Variants in SPOCK3 observed in about 807,000 individuals in gnomAD.
The protein encoded by SPOCK3 is SPARC (osteonectin), cwcv and kazal like domains proteoglycan 3, also known as testican-3.
In SPOCK3, 30 loss-of-function variants were observed where a neutral mutation model predicts 56.6. The ratio of observed to expected loss-of-function variants is 0.53; its 90% CI spans 0.40 to 0.72. The LOEUF (loss-of-function observed/expected upper bound fraction) is 0.72, where lower values mean the gene tolerates loss of function less well. SPOCK3 is among the 30% of genes least tolerant of loss of function. The probability of loss-of-function intolerance (pLI) is 0.00; values close to 1 mark genes in which losing one functional copy is unlikely to be tolerated. For synonymous variants in SPOCK3, 196 were observed against 183.3 expected, an observed-to-expected ratio of 1.07 and a Z score of -0.56; for missense variants, 527 against 530.0, an observed-to-expected ratio of 0.99 and a Z score of 0.06.
chr4:166,939,359 A>C (rs1217022339), intron 4 of SPOCK3, among the ~76,000 whole-genome samples: 7 of 152,116 alleles, frequency 4.6e-5, no homozygotes, highest in Non-Finnish European at 8.8e-5. Flanking sequence ...TAAGCTATAC[A>C]AGATGATGGG....
In SPOCK3 at chr4:167,190,944, G is replaced by C. The variant is rs545802025; in HGVS notation, c.189+43041C>G. On this transcript the variant is annotated intron_variant, in intron 2 of 10. Transcript: ENST00000357545. Reference sequence around the variant, plus strand: ...TAGTCTACCATTAAGTGCATTAATTGACTTCTGATCTCTTTATTCTGCTCT... The same window carrying C: ...TAGTCTACCATTAAGTGCATTAATTCACTTCTGATCTCTTTATTCTGCTCT... 3.9e-4 allele frequency among the ~76,000 whole-genome samples: 56 copies of C among 145,234 alleles called. 12 individuals are homozygous for C. Among genetic ancestry groups the C allele is most frequent in the African/African-American group, 1.4e-3 (54 of 38,128 alleles).
At chr4:166,843,178 C>T (rs925954399) in intron 6 of SPOCK3, among the ~76,000 whole-genome samples, 3 of 152,088 alleles carry the variant, frequency 2.0e-5, no homozygotes, top group African/African-American at 7.2e-5. Context: ...TCCCTCCACA[C>T]CCCCCCGCAA....
intron 6 of SPOCK3, among the ~76,000 whole-genome samples, chr4:166,873,611 A>T (rs187474204): frequency 6.6e-6 from 1 of 152,180 alleles, no homozygotes; most frequent in Non-Finnish European, 1.5e-5. Context: ...TTTCATTTCA[A>T]ATACTTATAG....
chr4:166,876,377 A>G (rs1372870170), intron 6 of SPOCK3, among the ~76,000 whole-genome samples: 2 of 152,222 alleles, frequency 1.3e-5, no homozygotes, highest in African/African-American at 4.8e-5. Context: ...TTGATGAAAA[A>G]GAAAGCTATT....
intron 7 of SPOCK3, among the ~76,000 whole-genome samples, chr4:166,770,627 G>A (rs1490824019): frequency 2.1e-4 from 32 of 152,024 alleles, no homozygotes; most frequent in Non-Finnish European, 5.9e-5. Flanking sequence ...GAAAATAACA[G>A]CAATAAAATA....
chr4:167,056,022 A>AC (rs1754796852), intron 3 of SPOCK3, among the ~76,000 whole-genome samples: 1 of 152,038 alleles, frequency 6.6e-6, no homozygotes, highest in Non-Finnish European at 1.5e-5. Flanking sequence ...CTGACAGCAG[A>AC]CCCCCAAGCA....
intron 2 of SPOCK3, among the ~76,000 whole-genome samples, chr4:167,078,774 G>A (rs1757445051): frequency 6.6e-6 from 1 of 151,524 alleles, no homozygotes; most frequent in African/African-American, 2.4e-5. Flanking sequence ...AGTGCAAGTA[G>A]CAATCTGCTA....
chr4:166,734,981 A>G lies in SPOCK3; in HGVS notation c.1242T>C (p.Asp414=), dbSNP rs772123039. The change falls in exon 11 of 11, where the codon GAT becomes GAC. Residue 414 remains aspartate (D), a synonymous_variant. Transcript: ENST00000357545. Reference sequence around the variant, plus strand: ...CATCATCCCCTTCATCTTCATCATCATCTTCAATTTCATCTTCATCATTCA... The same window carrying G: ...CATCATCCCCTTCATCTTCATCATCGTCTTCAATTTCATCTTCATCATTCA... The part of the protein sequence containing the change: ...DIMNDEDEIE[D]DDEDEGDDDD... 3.1e-5 allele frequency: 48 copies of G among 1,528,902 alleles called. 1 individual carries two copies. Among genetic ancestry groups the G allele is most frequent in the South Asian group, 3.4e-5 (3 of 88,866 alleles). 94.7% of individuals were successfully genotyped at this position (1,528,902 alleles called of 1,614,324 possible).
At chr4:166,920,791 T>C (rs924343663) in intron 4 of SPOCK3, among the ~76,000 whole-genome samples, 6 of 152,188 alleles carry the variant, frequency 3.9e-5, no homozygotes, top group Non-Finnish European at 1.5e-5. Flanking sequence ...TATATATAAA[T>C]GTCTTGATTG....
chr4:167,075,871 C>T (rs1757135267), intron 2 of SPOCK3, among the ~76,000 whole-genome samples: 1 of 151,880 alleles, frequency 6.6e-6, no homozygotes, highest in Admixed American at 6.6e-5. Context: ...TTACATTAAT[C>T]TACGCCCATC....
intron 3 of SPOCK3, among the ~76,000 whole-genome samples, chr4:167,008,158 T>A (rs1253076765): frequency 6.6e-6 from 1 of 151,956 alleles, no homozygotes; most frequent in Non-Finnish European, 1.5e-5. Context: ...AATAGCAAGT[T>A]TTACATCTAA....
intron 2 of SPOCK3, among the ~76,000 whole-genome samples, chr4:167,172,254 C>T (rs542253702): frequency 6.6e-6 from 1 of 152,254 alleles, no homozygotes; most frequent in African/African-American, 2.4e-5. Flanking sequence ...AGTTCATAAT[C>T]AAAATTTCTT....
chr4:166,904,076 A>C (rs1437044577), intron 5 of SPOCK3, among the ~76,000 whole-genome samples: 3 of 151,822 alleles, frequency 2.0e-5, no homozygotes, highest in Non-Finnish European at 4.4e-5. Flanking sequence ...TTAATTACAT[A>C]TTATGCAAAA....
intron 3 of SPOCK3, among the ~76,000 whole-genome samples, chr4:167,037,012 G>GT (rs1415067645): frequency 1.3e-5 from 2 of 152,060 alleles, no homozygotes; most frequent in Non-Finnish European, 2.9e-5. Flanking sequence ...AAGTGATAAG[G>GT]TAAGTTGAAG....
chr4:167,229,884 T>C (rs911408072), intron 2 of SPOCK3, among the ~76,000 whole-genome samples: 4 of 152,220 alleles, frequency 2.6e-5, no homozygotes, highest in East Asian at 1.9e-4. Flanking sequence ...TTGATTATGG[T>C]TTCTATAACA....
intron 7 of SPOCK3, among the ~76,000 whole-genome samples, chr4:166,785,692 T>C (rs1740658521): frequency 6.6e-6 from 1 of 152,194 alleles, no homozygotes; most frequent in Non-Finnish European, 1.5e-5. Flanking sequence ...ATTGACTTTT[T>C]TGAAAAAGCA....
chr4:167,225,090 C>T (rs1736458787), intron 2 of SPOCK3, among the ~76,000 whole-genome samples: 1 of 152,094 alleles, frequency 6.6e-6, no homozygotes, highest in African/African-American at 2.4e-5. Flanking sequence ...GATAATATGG[C>T]TTAAAAGTTT....
chr4:166,903,667 T>C (rs901429607), intron 5 of SPOCK3, among the ~76,000 whole-genome samples: 10 of 151,802 alleles, frequency 6.6e-5, no homozygotes, highest in Non-Finnish European at 1.3e-4. Flanking sequence ...TGTTTTTTCC[T>C]GTCTCAGTTT....
intron 6 of SPOCK3, among the ~76,000 whole-genome samples, chr4:166,844,767 T>G (rs1421589194): frequency 6.6e-6 from 1 of 152,204 alleles, no homozygotes; most frequent in Non-Finnish European, 1.5e-5. Flanking sequence ...TATCTATGTA[T>G]CTATCTATCT....
Sources: gnomAD v4.1 joint callset for allele counts (sites outside exome capture counted in the v4.1 genomes callset) on GRCh38, gnomAD v4.1.1 for gene constraint, MANE v1.5 for transcripts, NCBI Gene and HGNC (gene_info 2026-07-23, HGNC 2026-07-21) for gene names.